The following AHNAK variants were observed in gnomAD, a reference collection of about 807,000 sequenced individuals.
AHNAK encodes neuroblast differentiation-associated protein AHNAK.
A neutral mutation model predicts 37.8 loss-of-function variants in AHNAK; 23 were observed. That is an observed-to-expected ratio of 0.61 (90% CI 0.44 to 0.86). The LOEUF is 0.86. AHNAK is among the 40% of genes least tolerant of loss of function. The pLI is 0.00. For missense variants in AHNAK, 7,411 were observed against 7,319.4 expected, an observed-to-expected ratio of 1.01 and a Z score of -0.46; for synonymous variants, 2,481 against 2,636.3, an observed-to-expected ratio of 0.94 and a Z score of 1.80.
In AHNAK at chr11:62,520,475, A is replaced by T; in HGVS notation, c.13942T>A (p.Trp4648Arg). The T allele has an allele frequency of 1.9e-6, 3 of 1,614,082 alleles. No individual in the cohort carries two copies. Among genetic ancestry groups the T allele is most frequent in the Non-Finnish European group, 2.5e-6 (3 of 1,180,020 alleles). Residue 4648 changes from tryptophan to arginine, a missense_variant, in exon 5 of 5, where the codon TGG becomes AGG. Coordinates refer to ENST00000378024, the MANE Select transcript of AHNAK (RefSeq NM_001620.3). The stretch of plus-strand genomic sequence containing the variant: ...TTCACTTTGGGCATTTTTAGGTGCC[A>T]GTCTGGGCCTTGAACGTCCACATCT... The part of the protein sequence containing the change: ...VPDVDVQGPD[W>R]HLKMPKVKMP...
rs1034323771 is a variant in AHNAK, at chr11:62,529,628, C to T, written c.4789G>A (p.Val1597Ile). The stretch of plus-strand genomic sequence containing the variant: ...TCCACTTTGGGAAGGGAAACATCTA[C>T]ATCAGTTTTCAGTTTAGGGGCTTTC... ...NLKAPKLKTDVDVSLPKVEGD... is the reference protein window; with the variant it reads ...NLKAPKLKTDIDVSLPKVEGD... Residue 1597 changes from valine to isoleucine, a missense_variant, in exon 5 of 5, where the codon GTA (valine) becomes ATA (isoleucine). Transcript: ENST00000378024. 1.2e-6 allele frequency: 2 copies of T among 1,614,196 alleles called. No homozygotes were observed. Among genetic ancestry groups the T allele is most frequent in the Non-Finnish European group, 1.7e-6 (2 of 1,180,046 alleles).
intron 5 of AHNAK, among the ~76,000 whole-genome samples, chr11:62,483,624 C>T (rs11231104): frequency 1.2e-3 from 180 of 150,398 alleles, no homozygotes; most frequent in African/African-American, 4.3e-3. Context: ...TTTGGGAGGC[C>T]GAGGCAGGCG....
chr11:62,528,327 C>T lies in AHNAK; in HGVS notation c.6090G>A (p.Met2030Ile), dbSNP rs368659032. 1.9e-5 allele frequency: 30 copies of T among 1,614,044 alleles called. No individual in the cohort carries two copies. The South Asian group carries it at 3.1e-4, about 17-fold the overall frequency. Residue 2030 changes from methionine to isoleucine, a missense_variant, in exon 5 of 5, where the codon ATG (methionine) becomes ATA (isoleucine). Coordinates refer to ENST00000378024, the MANE Select transcript of AHNAK (RefSeq NM_001620.3). ...CATCCACATCTGGGGCATCAATGTCCATTTTGGGTCCTTTGATGTCAACAT... is the reference window on the plus strand; with the variant it reads ...CATCCACATCTGGGGCATCAATGTCTATTTTGGGTCCTTTGATGTCAACAT... ...VPDVDIKGPKMDIDAPDVDVH... is the reference protein window; with the variant it reads ...VPDVDIKGPKIDIDAPDVDVH...
chr11:62,544,014 G>A (rs1372744233), intron 1 of AHNAK, among the ~76,000 whole-genome samples: 3 of 152,082 alleles, frequency 2.0e-5, no homozygotes. Flanking sequence ...AAAGAAGGTG[G>A]TGACCACACC....
intron 5 of AHNAK, among the ~76,000 whole-genome samples, chr11:62,465,139 C>A (rs1365009348): frequency 6.6e-6 from 1 of 152,172 alleles, no homozygotes; most frequent in East Asian, 1.9e-4. Context: ...TCTGTTCTTA[C>A]TCCATCCTCT....
Position 62,479,732 on chromosome 11 carries a change from G to A in AHNAK, c.442+12000C>T, listed in dbSNP as rs114661862. Among the ~76,000 whole-genome samples the A allele has an allele frequency of 5.2e-3, 786 of 152,098 alleles. 6 individuals carry two copies. Among genetic ancestry groups the A allele is most frequent in the African/African-American group, 0.018 (728 of 41,472 alleles). ...GCCTTCCATTCCCTTCTTCCACGAC[G>A]CACGAAACAGATAAGGCATGAAATC... On this transcript the variant is annotated intron_variant, in intron 5 of 5. Transcript: ENST00000257247.
chr11:62,531,280 G>C lies in AHNAK; in HGVS notation c.3137C>G (p.Pro1046Arg). The C allele has an allele frequency of 1.2e-6, 2 of 1,613,564 alleles. No individual in the cohort carries two copies. Among genetic ancestry groups the C allele is most frequent in the Admixed American group, 1.7e-5 (1 of 59,926 alleles). ...CTTCGGGCCTTTCAACTTCCCTTCA[G>C]GTCCTTCAAGGCTCAGATCTGGAGC... Reference protein sequence around the residue: ...TNAPDLSLEGPEGKLKGPKFK... With the variant: ...TNAPDLSLEGREGKLKGPKFK... The change falls in exon 5 of 5, where the codon CCT becomes CGT. Residue 1046 changes from proline (P) to arginine (R), a missense_variant. Coordinates refer to ENST00000378024, the MANE Select transcript of AHNAK (RefSeq NM_001620.3).
rs146170341 is a variant in AHNAK at position 62,517,935 on chromosome 11, C to T, written c.16482G>A (p.Met5494Ile). Residue 5494 changes from methionine (M) to isoleucine (I), a missense_variant, in exon 5 of 5, where the codon ATG becomes ATA. By Grantham distance (10) the Met-to-Ile change is conservative. Transcript: ENST00000378024. ...CACATCCAGAGGACTTAATTCCAGG[C>T]ATCTGGAGGTTTCCTTCTAGGCCTT... ...GVQGLEGNLQ[M>I]PGIKSSGCDV... The T allele has an allele frequency of 5.6e-6, 9 of 1,614,090 alleles. No homozygotes were observed. Among genetic ancestry groups the T allele is most frequent in the Non-Finnish European group, 7.6e-6 (9 of 1,180,048 alleles).
chr11:62,502,114 C>T (rs1939722822), intron 4 of AHNAK, among the ~76,000 whole-genome samples: 1 of 152,214 alleles, frequency 6.6e-6, no homozygotes, highest in African/African-American at 2.4e-5. Context: ...AAGCAACACC[C>T]TTTTTGCCGT....
chr11:62,483,898 G>A (rs1338150589), intron 5 of AHNAK, among the ~76,000 whole-genome samples: 26 of 150,816 alleles, frequency 1.7e-4, no homozygotes, highest in African/African-American at 6.1e-4. Context: ...TTAGCCAGGC[G>A]CGGTGGCGGG....
intron 4 of AHNAK, among the ~76,000 whole-genome samples, chr11:62,506,209 AAAAT>A (rs2134178137): frequency 6.6e-6 from 1 of 151,284 alleles, no homozygotes; most frequent in East Asian, 1.9e-4. Flanking sequence ...ACCCTGTCTA[AAAAT>A]AAATAAATAA....
intron 5 of AHNAK, among the ~76,000 whole-genome samples, chr11:62,485,757 T>G (rs1218168545): frequency 6.8e-6 from 1 of 146,378 alleles, no homozygotes. Flanking sequence ...GGCTCATGCC[T>G]GTAATCTCAG....
In AHNAK at chr11:62,438,194, T is replaced by G. The variant is rs868739677; in HGVS notation, c.443-4303A>C. On this transcript the variant is annotated intron_variant, in intron 5 of 5. Transcript: ENST00000257247. ...TTTTCTTTCTCTCTTTTTTTTTTTT[T>G]TTTTCCTGAGACTGAGTTTTGTTCT... is the stretch of plus-strand genomic sequence containing the variant. 2.8e-4 allele frequency among the ~76,000 whole-genome samples: 36 copies of G among 128,656 alleles called. 1 individual carries two copies. The highest frequency in any genetic ancestry group is 9.5e-4 in the African/African-American group (36 of 38,008). 84.4% of individuals were successfully genotyped at this position (128,656 alleles called of 152,430 possible). A position where few individuals can be genotyped will look rare whatever the true frequency, so the allele number is the denominator to read the frequency against.
chr11:62,486,092 C>A (rs566113144), intron 5 of AHNAK, among the ~76,000 whole-genome samples: 12 of 150,892 alleles, frequency 8.0e-5, no homozygotes, highest in Non-Finnish European at 1.8e-4. Flanking sequence ...CATAGATGAA[C>A]CCTGAAAGTG....
At chr11:62,469,710 T>G (rs559363292) in intron 5 of AHNAK, among the ~76,000 whole-genome samples, 1 of 152,054 alleles carries the variant, frequency 6.6e-6, no homozygotes, top group African/African-American at 2.4e-5. Flanking sequence ...TCACGTGATC[T>G]GCCCACCTCA....
chr11:62,469,814 C>T (rs1938993656), intron 5 of AHNAK, among the ~76,000 whole-genome samples: 1 of 152,114 alleles, frequency 6.6e-6, no homozygotes, highest in Admixed American at 6.6e-5. Context: ...TAGGTAATTC[C>T]ACCAGGGGGA....
chr11:62,516,739 G>A lies in AHNAK; in HGVS notation c.*5C>T. The A allele has an allele frequency of 1.2e-6, 2 of 1,603,914 alleles. No homozygotes were observed. The highest frequency in any genetic ancestry group is 2.2e-5 in the South Asian group (2 of 89,122). On this transcript the variant is annotated 3_prime_UTR_variant, in exon 5 of 5. Coordinates refer to ENST00000378024, the MANE Select transcript of AHNAK (RefSeq NM_001620.3). ...TATATATATGTACACACATACAAAG[G>A]CCTGCTACTCTTTCTTTGTGGAAAC...
At chr11:62,541,659 T>C (rs569711189) in intron 1 of AHNAK, among the ~76,000 whole-genome samples, 2 of 152,350 alleles carry the variant, frequency 1.3e-5, no homozygotes, top group East Asian at 3.9e-4. Flanking sequence ...AGGGACTGTG[T>C]TGGCAACATC....
intron 5 of AHNAK, among the ~76,000 whole-genome samples, chr11:62,436,093 C>G (rs920009725): frequency 2.6e-5 from 4 of 152,174 alleles, no homozygotes; most frequent in Non-Finnish European, 5.9e-5. Flanking sequence ...TAGCCCATCC[C>G]CTTTCATTCT....
Sources: allele counts gnomAD v4.1 joint callset (sites outside exome capture counted in the v4.1 genomes callset), GRCh38; gene constraint gnomAD v4.1.1; transcripts MANE v1.5; gene names NCBI Gene and HGNC (gene_info 2026-07-23, HGNC 2026-07-21).